SPATA6L: variants seen among roughly 807,000 people sequenced by gnomAD.
SPATA6L encodes the protein spermatogenesis associated 6 like.
A neutral mutation model predicts 49.2 loss-of-function variants in SPATA6L; 68 were observed. That is an observed-to-expected ratio of 1.38 (90% CI 1.14 to 1.69). The LOEUF (loss-of-function observed/expected upper bound fraction) is 1.69. SPATA6L is among the 40% of genes most tolerant of loss of function. The pLI is 0.00. For synonymous variants in SPATA6L, 198 were observed against 165.7 expected (o/e 1.19, Z -1.50); for missense variants, 668 against 464.3 (o/e 1.44, Z -4.03).
At chr9:4,656,678 T>G (rs1167574078) in intron 2 of SPATA6L, among the ~76,000 whole-genome samples, 1 of 152,206 alleles carries the variant, frequency 6.6e-6, no homozygotes, top group African/African-American at 2.4e-5. Context: ...CAAGAAAATT[T>G]CAATTAGCTA....
intron 11 of SPATA6L, 67 bp downstream of exon 11, chr9:4,604,112 C>A: frequency 9.2e-7 from 1 of 1,088,948 alleles, no homozygotes; most frequent in Non-Finnish European, 1.4e-6. Flanking sequence ...TAGGAGGAAA[C>A]TGAAATTCTT....
intron 9 of SPATA6L, among the ~76,000 whole-genome samples, chr9:4,607,595 C>G (rs1390234348): frequency 3.1e-3 from 470 of 151,998 alleles, no homozygotes; most frequent in Non-Finnish European, 4.4e-3. Context: ...AGCAAATGCT[C>G]AGAGATTTTG....
chr9:4,648,654 T>G (rs112271296), intron 3 of SPATA6L, among the ~76,000 whole-genome samples: 1 of 150,796 alleles, frequency 6.6e-6, no homozygotes, highest in Non-Finnish European at 1.5e-5. Context: ...GAGCCGAGAT[T>G]GCGCCACTGC....
chr9:4,610,183 G>A (rs1826337045), intron 9 of SPATA6L, among the ~76,000 whole-genome samples: 1 of 151,778 alleles, frequency 6.6e-6, no homozygotes. Context: ...CATGCTCATG[G>A]GTAGGAAGAC....
At chr9:4,663,123 A>G in intron 1 of SPATA6L, 1 of 1,613,790 alleles carries the variant, frequency 6.2e-7, no homozygotes, top group Non-Finnish European at 8.5e-7. Flanking sequence ...GGGCCTATCC[A>G]GGGTCATGCT....
intron 2 of SPATA6L, 31 bp downstream of exon 2, chr9:4,661,868 C>G: frequency 6.2e-7 from 1 of 1,610,482 alleles, no homozygotes; most frequent in East Asian, 2.2e-5. Context: ...TATCTTCAGA[C>G]AACAAAAGCC....
chr9:4,629,769 G>GTATA (rs35908661), intron 4 of SPATA6L, among the ~76,000 whole-genome samples: 1,215 of 101,868 alleles, frequency 0.012, 24 homozygotes, highest in Middle Eastern at 0.055. Flanking sequence ...GTGTGTGTGT[G>GTATA]TATATATATA....
At chr9:4,622,240 A>G (rs905436861) in intron 7 of SPATA6L, among the ~76,000 whole-genome samples, 168 bp downstream of exon 7, 1 of 152,198 alleles carries the variant, frequency 6.6e-6, no homozygotes, top group African/African-American at 2.4e-5. Context: ...TTCTCAGCTG[A>G]CGCTGCTTCA....
chr9:4,656,206 A>G, intron 2 of SPATA6L, 117 bp from the exon 3 acceptor site: 1 of 752,846 alleles, frequency 1.3e-6, no homozygotes, highest in Non-Finnish European at 2.2e-6. Flanking sequence ...TGGGAGGCCG[A>G]GGTGGGTGTA....
At chr9:4,615,991 G>T (rs754710474) in intron 9 of SPATA6L, among the ~76,000 whole-genome samples, 1 of 152,152 alleles carries the variant, frequency 6.6e-6, no homozygotes, top group Non-Finnish European at 1.5e-5. Context: ...AGGTTTAAAA[G>T]GTTGAAGCCA....
Position 4,625,544 on chromosome 9 carries a change from C to A in SPATA6L, c.452G>T (p.Arg151Met). 2 of 1,555,478 alleles carry A rather than the reference C, an allele frequency of 1.3e-6. No individual in the cohort carries two copies. The highest frequency in any genetic ancestry group is 8.7e-7 in the Non-Finnish European group (1 of 1,154,506). ...TGGTTCATGTGATGTAGATAAAGGC[C>A]TCCGTGACTCATGTCTTTCTTCCTG... ...RFLEERHESR[R>M]PLSTSHEPIF... The change falls in exon 6 of 12, where the codon AGG becomes ATG. Residue 151 changes from arginine (R) to methionine (M), a missense_variant. Transcript: ENST00000682582.
chr9:4,655,784 C>T (rs1838005327), intron 3 of SPATA6L, among the ~76,000 whole-genome samples: 1 of 152,114 alleles, frequency 6.6e-6, no homozygotes, highest in Non-Finnish European at 1.5e-5. Flanking sequence ...CTCCTGACCT[C>T]AAGGGATTCA....
At chr9:4,644,679 T>TCACACA (rs1291569645) in intron 3 of SPATA6L, among the ~76,000 whole-genome samples, 1 of 132,084 alleles carries the variant, frequency 7.6e-6, no homozygotes, top group African/African-American at 3.5e-5. Context: ...TCTCTCTCTC[T>TCACACA]CTCTCTCACA....
downstream of SPATA6L, among the ~76,000 whole-genome samples, chr9:4,597,637 G>C (rs1196247195): frequency 6.6e-6 from 1 of 152,170 alleles, no homozygotes; most frequent in African/African-American, 2.4e-5. Flanking sequence ...GGTGCCCCTA[G>C]ATTCAGTGTG....
At chr9:4,609,690 T>C (rs1331511381) in intron 9 of SPATA6L, among the ~76,000 whole-genome samples, 1 of 151,082 alleles carries the variant, frequency 6.6e-6, no homozygotes, top group Non-Finnish European at 1.5e-5. Flanking sequence ...GCCAATATCA[T>C]ACTGAATGGG....
chr9:4,645,741 T>C (rs778750964), intron 3 of SPATA6L, among the ~76,000 whole-genome samples: 2 of 152,148 alleles, frequency 1.3e-5, no homozygotes, highest in Non-Finnish European at 1.5e-5. Flanking sequence ...AAACTAGATA[T>C]AAAAGGCCAC....
chr9:4,594,273 G>C (rs184950726), downstream of SPATA6L, among the ~76,000 whole-genome samples: 4 of 152,082 alleles, frequency 2.6e-5, no homozygotes, highest in Non-Finnish European at 5.9e-5. Context: ...GCAGTGGCGC[G>C]AACTCAGCTC....
intron 3 of SPATA6L, among the ~76,000 whole-genome samples, chr9:4,651,913 G>T (rs113556677): frequency 0.034 from 5,211 of 152,110 alleles, 279 homozygotes; most frequent in African/African-American, 0.12. Context: ...TCACTTTCAC[G>T]GCTTCTATTC....
intron 7 of SPATA6L, among the ~76,000 whole-genome samples, chr9:4,621,781 C>T (rs28380571): frequency 0.13 from 19,293 of 152,238 alleles, 2,589 homozygotes; most frequent in African/African-American, 0.33. Context: ...AGTCACCGTA[C>T]CCGGCCGTAG....
Sources: gnomAD v4.1 joint callset for allele counts (sites outside exome capture counted in the v4.1 genomes callset) on GRCh38, gnomAD v4.1.1 for gene constraint, MANE v1.5 for transcripts, NCBI Gene and HGNC (gene_info 2026-07-23, HGNC 2026-07-21) for gene names.